Variants in IQGAP2 observed in about 807,000 individuals in gnomAD.
IQGAP2 encodes IQ motif containing GTPase activating protein 2.
Under a neutral mutation model 201.3 loss-of-function variants are expected in IQGAP2, and 173 were observed. That is an observed-to-expected ratio of 0.86 (90% CI 0.76 to 0.98). IQGAP2 has a LOEUF of 0.98. IQGAP2 is among the 50% of genes least tolerant of loss of function. The pLI, the probability that IQGAP2 is intolerant of heterozygous loss-of-function variation, is 0.00. For synonymous variants in IQGAP2, 675 were observed against 673.9 expected (o/e 1.00, Z -0.03); for missense variants, 1,687 against 1,864.8 (o/e 0.90, Z 1.76).
At chr5:76,693,823 G>T (rs1430341306) in intron 31 of IQGAP2, 3 of 159,186 alleles carry the variant, frequency 1.9e-5, no homozygotes, top group Admixed American at 6.1e-5. Context: ...ACAAATAAGC[G>T]ACTCACATGT....
At chr5:76,545,606 GCTAT>G (rs1310275479) in intron 2 of IQGAP2, among the ~76,000 whole-genome samples, 2 of 150,246 alleles carry the variant, frequency 1.3e-5, no homozygotes, top group Non-Finnish European at 3.0e-5. Context: ...AAATGGTATG[GCTAT>G]CTCATTCTGT....
chr5:76,469,261 T>G (rs1275883678), intron 2 of IQGAP2, among the ~76,000 whole-genome samples: 1 of 152,172 alleles, frequency 6.6e-6, no homozygotes, highest in Non-Finnish European at 1.5e-5. Flanking sequence ...CAGAAAGGCG[T>G]ATAGAGTATT....
chr5:76,636,892 G>A (rs2455229), intron 15 of IQGAP2, 142 bp from the exon 16 acceptor site: 183,432 of 531,674 alleles, frequency 0.35, 32,853 homozygotes, highest in Non-Finnish European at 0.37. Flanking sequence ...TTCATTCCAT[G>A]TTAGTGGGTC....
intron 2 of IQGAP2, among the ~76,000 whole-genome samples, chr5:76,554,381 C>G (rs957311992): frequency 6.6e-6 from 1 of 152,102 alleles, no homozygotes; most frequent in Non-Finnish European, 1.5e-5. Context: ...GAAAAGACGG[C>G]TCACAGAATG....
At position 76,593,451 on chromosome 5, in the gene IQGAP2, C is replaced by G. The variant is rs375728817; in HGVS notation, c.907+526C>G. Among the ~76,000 whole-genome samples the G allele has an allele frequency of 1.6e-4, 24 of 152,236 alleles. No homozygotes were observed. The East Asian group carries it at 4.6e-3, about 29-fold the overall frequency. On this transcript the variant is annotated intron_variant, in intron 9 of 35. Transcript: ENST00000274364. Reference sequence around the variant, plus strand: ...CATGATGGCAGCTTTGAGTCCCACACCCCTGAGCCTCTGTGGAGTCAAGCA... The same window carrying G: ...CATGATGGCAGCTTTGAGTCCCACAGCCCTGAGCCTCTGTGGAGTCAAGCA...
At chr5:76,458,647 A>C (rs911730508) in intron 1 of IQGAP2, among the ~76,000 whole-genome samples, 6 of 152,164 alleles carry the variant, frequency 3.9e-5, no homozygotes, top group African/African-American at 1.4e-4. Context: ...TGTACAAGGA[A>C]GTCCCATGAG....
chr5:76,676,733 T>C (rs1744854325), intron 27 of IQGAP2, among the ~76,000 whole-genome samples: 1 of 152,214 alleles, frequency 6.6e-6, no homozygotes, highest in Non-Finnish European at 1.5e-5. Context: ...GTAGACTTAA[T>C]CTCATTTTTG....
chr5:76,490,208 C>T (rs1010182102), intron 2 of IQGAP2, among the ~76,000 whole-genome samples: 1 of 152,138 alleles, frequency 6.6e-6, no homozygotes, highest in Admixed American at 6.5e-5. Flanking sequence ...CCTGGTATCT[C>T]TTTTTTTAGT....
At chr5:76,662,529 T>C (rs564662828) in intron 21 of IQGAP2, among the ~76,000 whole-genome samples, 2 of 152,342 alleles carry the variant, frequency 1.3e-5, no homozygotes, top group East Asian at 1.9e-4. Context: ...GGGGGAATTA[T>C]AGGTAACAAG....
intron 1 of IQGAP2, among the ~76,000 whole-genome samples, chr5:76,416,003 A>ATC (rs1474497626): frequency 1.3e-5 from 2 of 152,054 alleles, no homozygotes; most frequent in African/African-American, 2.4e-5. Context: ...AAAGGTAGTA[A>ATC]TGAATCAACT....
intron 1 of IQGAP2, among the ~76,000 whole-genome samples, chr5:76,438,167 ATTC>A (rs1404646067): frequency 1.3e-5 from 2 of 151,978 alleles, no homozygotes; most frequent in South Asian, 2.1e-4. Context: ...ATTGGAATCA[ATTC>A]TTCTTTGAAT....
intron 2 of IQGAP2, among the ~76,000 whole-genome samples, chr5:76,467,554 G>A (rs1040790975): frequency 1.3e-5 from 2 of 152,156 alleles, no homozygotes; most frequent in South Asian, 4.1e-4. Context: ...GTAAAATGGT[G>A]CAGCTACTTT....
intron 30 of IQGAP2, among the ~76,000 whole-genome samples, chr5:76,689,229 T>TAAAAAAAAA (rs1561595883): frequency 1.2e-4 from 4 of 33,680 alleles, no homozygotes; most frequent in African/African-American, 3.5e-4. Context: ...ACAGGGATAT[T>TAAAAAAAAA]TAAAAAAAAA....
At chr5:76,476,931 G>A (rs1352751484) in intron 2 of IQGAP2, among the ~76,000 whole-genome samples, 1 of 152,128 alleles carries the variant, frequency 6.6e-6, no homozygotes, top group Non-Finnish European at 1.5e-5. Context: ...GATTCACCGA[G>A]CAACACTTAA....
intron 1 of IQGAP2, among the ~76,000 whole-genome samples, chr5:76,437,040 T>A (rs751263217): frequency 2.0e-5 from 3 of 151,986 alleles, no homozygotes; most frequent in Non-Finnish European, 4.4e-5. Context: ...GCCCCTTGAT[T>A]ATGGTGGTGT....
At chr5:76,595,048 T>C (rs1746919003) in intron 9 of IQGAP2, among the ~76,000 whole-genome samples, 1 of 152,102 alleles carries the variant, frequency 6.6e-6, no homozygotes. Flanking sequence ...ATTAAAATGT[T>C]AAGGCATCCA....
At chr5:76,625,560 G>A (rs774691094) in intron 13 of IQGAP2, among the ~76,000 whole-genome samples, 4 of 152,202 alleles carry the variant, frequency 2.6e-5, no homozygotes, top group East Asian at 1.9e-4. Context: ...GTAGTCTGCC[G>A]CATAGCTAGA....
chr5:76,574,462 C>T (rs992651754), intron 4 of IQGAP2, among the ~76,000 whole-genome samples: 1 of 151,806 alleles, frequency 6.6e-6, no homozygotes. Context: ...CACCACCACG[C>T]CTGGCTAATG....
intron 27 of IQGAP2, among the ~76,000 whole-genome samples, chr5:76,675,537 A>G (rs1053194923): frequency 6.6e-6 from 1 of 152,236 alleles, no homozygotes; most frequent in Non-Finnish European, 1.5e-5. Context: ...CTAATCATTA[A>G]CAAGAAAGGC....
Sources: gnomAD v4.1 joint callset for allele counts (sites outside exome capture counted in the v4.1 genomes callset) on GRCh38, gnomAD v4.1.1 for gene constraint, MANE v1.5 for transcripts, NCBI Gene and HGNC (gene_info 2026-07-23, HGNC 2026-07-21) for gene names.